KLHL13: variants seen among roughly 807,000 people sequenced by gnomAD.
KLHL13 encodes kelch like family member 13, also known as kelch-like protein 13.
A neutral mutation model predicts 37.1 loss-of-function variants in KLHL13; 10 were observed. That is an observed-to-expected ratio of 0.27 (90% CI 0.17 to 0.46). The LOEUF is 0.46. Ranked by LOEUF, KLHL13 falls within the 20% of genes least tolerant of loss-of-function variation. KLHL13 has a pLI of 1.00. For missense variants in KLHL13, 360 were observed against 509.3 expected (o/e 0.71, Z 2.82); for synonymous variants, 163 against 181.2 (o/e 0.90, Z 0.81).
intron 1 of KLHL13, among the ~76,000 whole-genome samples, chrX:118,054,307 C>A (rs1476292260): frequency 8.1e-5 from 9 of 111,169 alleles, no homozygotes; most frequent in Admixed American, 7.7e-4. Flanking sequence ...AAATGAGATT[C>A]ACAAACTATC....
chrX:118,027,162 A>G (rs1035315696), intron 1 of KLHL13, among the ~76,000 whole-genome samples: 20 of 111,787 alleles, frequency 1.8e-4, no homozygotes, highest in African/African-American at 6.5e-4. Context: ...GTTTTGAGAA[A>G]GTTACCAAAA....
intron 1 of KLHL13, among the ~76,000 whole-genome samples, chrX:118,032,679 A>G (rs2148036677): frequency 8.9e-6 from 1 of 112,280 alleles, no homozygotes; most frequent in South Asian, 3.7e-4. Flanking sequence ...TAAAAAGCAG[A>G]GCACCTCTCC....
chrX:118,053,477 C>A (rs994058558), intron 1 of KLHL13, among the ~76,000 whole-genome samples: 2 of 110,356 alleles, frequency 1.8e-5, no homozygotes, highest in Non-Finnish European at 3.8e-5. Context: ...ACATCACACA[C>A]TGGGGCCTGT....
chrX:118,090,921 A>T (rs1454113254), intron 1 of KLHL13, among the ~76,000 whole-genome samples: 1 of 108,172 alleles, frequency 9.2e-6, no homozygotes, highest in Non-Finnish European at 1.9e-5. Context: ...AATGTGGCAC[A>T]TATACACCAT....
intron 4 of KLHL13, among the ~76,000 whole-genome samples, chrX:117,916,122 C>T (rs1224879143): frequency 9.0e-6 from 1 of 110,588 alleles, no homozygotes; most frequent in South Asian, 4.0e-4. Flanking sequence ...CCTGCCATTG[C>T]ACTCCAGCCT....
chrX:118,088,346 T>G (rs966110520), intron 1 of KLHL13, among the ~76,000 whole-genome samples: 1 of 112,222 alleles, frequency 8.9e-6, no homozygotes, highest in Non-Finnish European at 1.9e-5. Context: ...AATCATTACT[T>G]AAGCATTATA....
chrX:117,973,683 C>T (rs1455091274), exon 1 of KLHL13: 1 of 846,113 alleles, frequency 1.2e-6, no homozygotes, highest in Admixed American at 6.4e-5. Flanking sequence ...GCTGTAGTAA[C>T]ACAAATATCA....
intron 4 of KLHL13, among the ~76,000 whole-genome samples, chrX:117,911,375 T>C (rs1259305586): frequency 8.9e-6 from 1 of 112,521 alleles, no homozygotes; most frequent in Non-Finnish European, 1.9e-5. Context: ...TCTCTAAGGT[T>C]AACACACACA....
intron 1 of KLHL13, among the ~76,000 whole-genome samples, chrX:118,033,136 G>A (rs866522319): frequency 1.8e-5 from 2 of 111,289 alleles, no homozygotes; most frequent in South Asian, 3.8e-4. Context: ...GAAAGTGAGG[G>A]GGGGGAATGG....
intron 1 of KLHL13, among the ~76,000 whole-genome samples, chrX:118,060,582 A>C (rs1383356469): frequency 1.8e-5 from 2 of 111,155 alleles, no homozygotes; most frequent in African/African-American, 3.3e-5. Context: ...ACAACAACCC[A>C]GAGAAGAACG....
chrX:118,107,298 A>C (rs1176279256), intron 1 of KLHL13, among the ~76,000 whole-genome samples: 1 of 112,083 alleles, frequency 8.9e-6, no homozygotes, highest in Non-Finnish European at 1.9e-5. Flanking sequence ...TGAGTAAGTA[A>C]TAAGCCAACA....
At chrX:117,922,696 G>T (rs1432085176) in intron 2 of KLHL13, among the ~76,000 whole-genome samples, 3 of 111,657 alleles carry the variant, frequency 2.7e-5, no homozygotes, top group Non-Finnish European at 5.6e-5. Flanking sequence ...CAGGAGTTGG[G>T]GAGAAAACGT....
At chrX:118,116,347 G>A (rs2497856) in intron 1 of KLHL13, among the ~76,000 whole-genome samples, 161 bp downstream of exon 1, 2,356 of 112,525 alleles carry the variant, frequency 0.021, 75 homozygotes, top group African/African-American at 0.07. Flanking sequence ...GCACGCGGGA[G>A]AAAAAGAGGG....
intron 1 of KLHL13, among the ~76,000 whole-genome samples, chrX:118,002,595 AAAATAAATAAATAAATAAAT>A (rs571584663): frequency 1.3e-4 from 12 of 94,171 alleles, no homozygotes; most frequent in African/African-American, 3.8e-4. Context: ...CTCTGTCTCG[AAAATAAATAAATAAATAAAT>A]AAATAAATAA....
chrX:118,105,700 C>T (rs761524519), intron 1 of KLHL13, among the ~76,000 whole-genome samples: 96 of 111,848 alleles, frequency 8.6e-4, no homozygotes, highest in African/African-American at 2.9e-3. Flanking sequence ...GAGTGCTTTA[C>T]GTATAATTGC....
At chrX:118,013,568 T>C (rs183519105) in intron 1 of KLHL13, among the ~76,000 whole-genome samples, 88 of 111,821 alleles carry the variant, frequency 7.9e-4, no homozygotes, top group Non-Finnish European at 1.3e-3. Context: ...ATAAATTACG[T>C]TGGTCGAGGA....
At chrX:117,966,819 C>T (rs1215524527) in intron 1 of KLHL13, among the ~76,000 whole-genome samples, 1 of 111,814 alleles carries the variant, frequency 8.9e-6, no homozygotes, top group Non-Finnish European at 1.9e-5. Flanking sequence ...AAAGGATTCC[C>T]TATTTAATAA....
intron 1 of KLHL13, among the ~76,000 whole-genome samples, chrX:118,108,984 T>G (rs1286679905): frequency 9.0e-6 from 1 of 111,630 alleles, no homozygotes; most frequent in Non-Finnish European, 1.9e-5. Flanking sequence ...TTTTTAAATT[T>G]TTTTTTGTTC....
At position 117,898,928 on chromosome X, in the gene KLHL13, ACT is replaced by A; in HGVS notation, c.1946_1947del (p.Glu649ValfsTer43). 8.3e-7 allele frequency: 1 copy of A among 1,204,877 alleles called. No homozygotes were observed. Among genetic ancestry groups the A allele is most frequent in the Non-Finnish European group, 1.1e-6 (1 of 891,851 alleles). ...TGATCTTAAGGTGCAGAAAGAGGGG[ACT>A]CTCTAGAAGGTGATGGTGTGGTTTC... On this transcript the variant is annotated frameshift_variant, in exon 7 of 7. Transcript: ENST00000262820. LOFTEE classifies it high-confidence loss of function.
Sources: gnomAD v4.1 joint callset for allele counts (sites outside exome capture counted in the v4.1 genomes callset) on GRCh38, gnomAD v4.1.1 for gene constraint, MANE v1.5 for transcripts, NCBI Gene and HGNC (gene_info 2026-07-23, HGNC 2026-07-21) for gene names.